The following TRPC5 variants were observed in gnomAD, a reference collection of about 807,000 sequenced individuals.
TRPC5 encodes the protein short transient receptor potential channel 5.
TRPC5 carries 9 observed loss-of-function variants against 56.5 expected under a neutral mutation model. That is an observed-to-expected ratio of 0.16 (90% CI 0.10 to 0.28). The LOEUF is 0.28. Among genes scored for constraint, TRPC5 ranks in the 10% least tolerant of loss-of-function variants. TRPC5 has a pLI of 1.00. For missense variants in TRPC5, 469 were observed against 748.9 expected, an observed-to-expected ratio of 0.63 and a Z score of 4.36; for synonymous variants, 282 against 278.5, an observed-to-expected ratio of 1.01 and a Z score of -0.13.
intron 3 of TRPC5, chrX:111,895,950 G>C (rs1185645335): frequency 9.0e-6 from 1 of 111,296 alleles, no homozygotes; most frequent in Non-Finnish European, 1.9e-5. Flanking sequence ...TCAAAATCTA[G>C]GTAACCTTTT....
At chrX:111,909,152 T>TA (rs1170515112) in intron 3 of TRPC5, among the ~76,000 whole-genome samples, 524 of 34,125 alleles carry the variant, frequency 0.015, 8 homozygotes, top group African/African-American at 0.031. Context: ...ATAAATTAAT[T>TA]AAAAAAAAAA....
At chrX:111,964,627 T>C (rs996308389) in intron 1 of TRPC5, among the ~76,000 whole-genome samples, 3 of 112,644 alleles carry the variant, frequency 2.7e-5, no homozygotes, top group African/African-American at 9.7e-5. Context: ...GCGGATCTCT[T>C]GGCAGAAACT....
chrX:111,971,199 G>A (rs888881751), intron 1 of TRPC5, among the ~76,000 whole-genome samples: 1 of 111,488 alleles, frequency 9.0e-6, no homozygotes, highest in Non-Finnish European at 1.9e-5. Flanking sequence ...AGTTTGCAAA[G>A]TATTACCAAC....
At chrX:112,063,830 C>T (rs776443951) in intron 1 of TRPC5, among the ~76,000 whole-genome samples, 7 of 111,968 alleles carry the variant, frequency 6.3e-5, no homozygotes, top group African/African-American at 2.3e-4. Context: ...CTCGCTCTGC[C>T]GCCCAGGCTG....
chrX:111,836,054 G>A (rs1194288780), intron 6 of TRPC5, among the ~76,000 whole-genome samples: 1 of 111,377 alleles, frequency 9.0e-6, no homozygotes, highest in Non-Finnish European at 1.9e-5. Flanking sequence ...CTTGCCCAAG[G>A]ACACCTTACT....
chrX:111,935,343 A>G (rs1031191408), intron 2 of TRPC5, among the ~76,000 whole-genome samples: 5 of 111,780 alleles, frequency 4.5e-5, no homozygotes, highest in African/African-American at 1.6e-4. Flanking sequence ...AGAGTTGTTT[A>G]AACTCCTTAT....
chrX:111,953,578 T>C (rs1339249216), intron 1 of TRPC5, among the ~76,000 whole-genome samples: 1 of 111,889 alleles, frequency 8.9e-6, no homozygotes, highest in Non-Finnish European at 1.9e-5. Flanking sequence ...TTGGCTCCAC[T>C]TTTCCCCTCA....
intron 1 of TRPC5, among the ~76,000 whole-genome samples, chrX:112,016,397 G>T: frequency 9.1e-6 from 1 of 109,988 alleles, no homozygotes; most frequent in Non-Finnish European, 1.9e-5. Flanking sequence ...GTATCTCAAG[G>T]AGAGACTGGC....
intron 5 of TRPC5, 79 bp from the exon 6 acceptor site, chrX:111,847,515 A>G (rs1396711130): frequency 3.2e-6 from 3 of 941,555 alleles, no homozygotes; most frequent in Non-Finnish European, 4.3e-6. Flanking sequence ...TTGCTTCCAT[A>G]CCCAAACAAA....
intron 1 of TRPC5, among the ~76,000 whole-genome samples, chrX:111,972,781 A>G (rs945140796): frequency 2.7e-5 from 3 of 112,027 alleles, no homozygotes; most frequent in Non-Finnish European, 5.6e-5. Context: ...AAAAGTGACA[A>G]TTTCCTCACA....
chrX:111,826,160 A>G (rs1250696046), intron 7 of TRPC5, among the ~76,000 whole-genome samples: 1 of 112,196 alleles, frequency 8.9e-6, no homozygotes, highest in Non-Finnish European at 1.9e-5. Context: ...CTCTTGAGCC[A>G]ATGCTGTCTG....
intron 7 of TRPC5, among the ~76,000 whole-genome samples, chrX:111,790,658 A>G (rs1946012213): frequency 9.0e-6 from 1 of 111,336 alleles, no homozygotes; most frequent in African/African-American, 3.3e-5. Flanking sequence ...GTCTTGCTAA[A>G]GAAACCTGCC....
At chrX:111,828,015 C>G (rs1018980698) in intron 7 of TRPC5, among the ~76,000 whole-genome samples, 2 of 112,042 alleles carry the variant, frequency 1.8e-5, no homozygotes, top group Non-Finnish European at 3.8e-5. Flanking sequence ...TGTGGCTGAG[C>G]TCTTATCTGG....
chrX:111,891,668 G>A, intron 3 of TRPC5, among the ~76,000 whole-genome samples: 1 of 111,326 alleles, frequency 9.0e-6, no homozygotes, highest in Non-Finnish European at 1.9e-5. Flanking sequence ...AGCCTCCAGA[G>A]TAGCTGAGAT....
Position 111,910,010 on chromosome X carries a change from GACCT to G in TRPC5, c.900+2277_900+2280del, listed in dbSNP as rs770636709. Among the ~76,000 whole-genome samples, 9 of 111,641 alleles carry G rather than the reference GACCT, an allele frequency of 8.1e-5. No individual in the cohort carries two copies. In the East Asian group the frequency reaches 2.3e-3, roughly 28 times the overall value. ...GGAGTCAAGCCATACAACAGAAGGT[GACCT>G]ACCAACACAAAAATTGATGAAATAT... On this transcript the variant is annotated intron_variant, in intron 3 of 10. Transcript: ENST00000262839.
At chrX:112,031,939 TAAAC>T (rs1929598333) in intron 1 of TRPC5, among the ~76,000 whole-genome samples, 2 of 108,966 alleles carry the variant, frequency 1.8e-5, no homozygotes, top group African/African-American at 6.7e-5. Flanking sequence ...CAAAAAACAA[TAAAC>T]AGAGCAAAGA....
chrX:111,934,693 T>TC (rs1176740005), intron 2 of TRPC5, among the ~76,000 whole-genome samples: 2 of 111,124 alleles, frequency 1.8e-5, no homozygotes, highest in African/African-American at 6.6e-5. Flanking sequence ...AACTTTTAGC[T>TC]CCCCCAAATG....
chrX:111,870,070 A>T lies in TRPC5; in HGVS notation c.901-15964T>A, dbSNP rs142516897. On this transcript the variant is annotated intron_variant, in intron 3 of 10. Coordinates refer to ENST00000262839, the MANE Select transcript of TRPC5 (RefSeq NM_012471.3). ...TGAAAGACAGCAGAGGGGAAATCTA[A>T]TGAAAGCTCAAGAGGCAAGGCATTG... Among the ~76,000 whole-genome samples, 973 of 112,069 alleles carry T rather than the reference A, an allele frequency of 8.7e-3. 11 individuals are homozygous for T. Among genetic ancestry groups the T allele is most frequent in the African/African-American group, 0.03 (929 of 30,841 alleles).
intron 3 of TRPC5, among the ~76,000 whole-genome samples, chrX:111,864,650 G>A (rs1923497450): frequency 8.9e-6 from 1 of 112,022 alleles, no homozygotes; most frequent in Admixed American, 9.4e-5. Flanking sequence ...TGTTGAGCTG[G>A]GGAAAGGAAG....
Sources: gnomAD v4.1 joint callset for allele counts (sites outside exome capture counted in the v4.1 genomes callset) on GRCh38, gnomAD v4.1.1 for gene constraint, MANE v1.5 for transcripts, NCBI Gene and HGNC (gene_info 2026-07-23, HGNC 2026-07-21) for gene names.